Variants in SHOC1 observed in about 807,000 individuals in gnomAD.
SHOC1 encodes the protein protein shortage in chiasmata 1 ortholog.
SHOC1 carries 136 observed loss-of-function variants against 179.2 expected under a neutral mutation model. The ratio of observed to expected loss-of-function variants is 0.76; its 90% confidence interval spans 0.66 to 0.87. The LOEUF (loss-of-function observed/expected upper bound fraction) is 0.87, where lower values mean the gene tolerates loss of function less well. SHOC1 is among the 40% of genes least tolerant of loss of function. The pLI is 0.00. For missense variants in SHOC1, 1,538 were observed against 1,700.8 expected (o/e 0.90, Z 1.68); for synonymous variants, 489 against 586.6 (o/e 0.83, Z 2.41).
At chr9:111,781,212 A>G in intron 3 of SHOC1, 195 bp from the exon 4 acceptor site, 1 of 549,758 alleles carries the variant, frequency 1.8e-6, no homozygotes, top group Admixed American at 3.3e-5. Flanking sequence ...CCCTCAATCA[A>G]CTACAGTTAG....
At chr9:111,761,997 A>G (rs982533903) in intron 5 of SHOC1, among the ~76,000 whole-genome samples, 6 of 152,214 alleles carry the variant, frequency 3.9e-5, no homozygotes, top group Admixed American at 6.5e-5. Context: ...TAAATAGATC[A>G]ATTTCTAGGA....
At chr9:111,729,540 A>G (rs1486695881) in intron 12 of SHOC1, among the ~76,000 whole-genome samples, 1 of 152,216 alleles carries the variant, frequency 6.6e-6, no homozygotes, top group African/African-American at 2.4e-5. Context: ...TCTTTTCACG[A>G]AAGATTTTTC....
intron 5 of SHOC1, among the ~76,000 whole-genome samples, chr9:111,767,213 T>A (rs1337650471): frequency 6.7e-6 from 1 of 149,914 alleles, no homozygotes; most frequent in Non-Finnish European, 1.5e-5. Flanking sequence ...TGTTTGTCTA[T>A]TTTTGCTTTG....
rs1046967354 is a variant in SHOC1 at position 111,740,718 on chromosome 9, T to G, written c.1174+758A>C. Among the ~76,000 whole-genome samples, 66 of 152,018 alleles carry G rather than the reference T, an allele frequency of 4.3e-4. 1 individual carries two copies. Among genetic ancestry groups the G allele is most frequent in the African/African-American group, 1.6e-3 (65 of 41,418 alleles). ...TCCAGAGTAGCTGGGACTACAGGCG[T>G]GCACCACCATGCTCAGCTAATTTTT... On this transcript the variant is annotated intron_variant, in intron 11 of 27. Coordinates refer to ENST00000682961, the MANE Select transcript of SHOC1 (RefSeq NM_001378211.1).
At position 111,706,620 on chromosome 9, in the gene SHOC1, C is replaced by A; in HGVS notation, c.2685G>T (p.Leu895Phe). 1.9e-6 allele frequency: 3 copies of A among 1,603,326 alleles called. No homozygotes were observed. The South Asian group carries it at 3.4e-5, about 18-fold the overall frequency. ...DSCWTKHCKE[L>F]NIPYMAFKVI... ...CTTTAAAGGCCATGTAAGGAATATT[C>A]AACTCTTTGCAGTGTTTAGTCCAAC... The change falls in exon 20 of 28, where the codon TTG becomes TTT. Residue 895 changes from leucine (L) to phenylalanine (F), a missense_variant. Coordinates refer to ENST00000682961, the MANE Select transcript of SHOC1 (RefSeq NM_001378211.1).
intron 5 of SHOC1, among the ~76,000 whole-genome samples, chr9:111,761,058 G>T (rs1835113634): frequency 6.6e-6 from 1 of 152,132 alleles, no homozygotes; most frequent in South Asian, 2.1e-4. Context: ...TTCTAATGTG[G>T]TTAAGGATTT....
intron 10 of SHOC1, 92 bp downstream of exon 10, chr9:111,746,142 G>T: frequency 2.8e-6 from 2 of 721,780 alleles, no homozygotes. Flanking sequence ...TTTCATAGAG[G>T]TATCTTGGAA....
intron 15 of SHOC1, 52 bp from the exon 16 acceptor site, chr9:111,718,340 G>C: frequency 8.4e-7 from 1 of 1,193,280 alleles, no homozygotes; most frequent in Non-Finnish European, 1.2e-6. Context: ...TACAGTTTTA[G>C]AATATGTATC....
At chr9:111,728,387 A>C (rs1833406512) in intron 12 of SHOC1, among the ~76,000 whole-genome samples, 1 of 152,148 alleles carries the variant, frequency 6.6e-6, no homozygotes, top group South Asian at 2.1e-4. Flanking sequence ...GCCACAATGG[A>C]AAAAAATACT....
At chr9:111,721,597 C>T (rs923705304) in intron 15 of SHOC1, among the ~76,000 whole-genome samples, 6 of 152,200 alleles carry the variant, frequency 3.9e-5, no homozygotes, top group African/African-American at 1.4e-4. Context: ...GCCTTGGCCT[C>T]CCAAAGTGCT....
chr9:111,777,759 C>T (rs1288802643), intron 4 of SHOC1, among the ~76,000 whole-genome samples: 1 of 152,012 alleles, frequency 6.6e-6, no homozygotes, highest in East Asian at 1.9e-4. Flanking sequence ...TATTTCAGCC[C>T]TAATAATACC....
At chr9:111,693,441 A>G in intron 26 of SHOC1, among the ~76,000 whole-genome samples, 1 of 150,886 alleles carries the variant, frequency 6.6e-6, no homozygotes, top group African/African-American at 2.4e-5. Flanking sequence ...AAAAAAAAAA[A>G]AAAAAATCAA....
intron 12 of SHOC1, among the ~76,000 whole-genome samples, chr9:111,730,237 A>G (rs1010652779): frequency 2.0e-5 from 3 of 152,138 alleles, no homozygotes; most frequent in African/African-American, 2.4e-5. Flanking sequence ...ACTTTTTTCT[A>G]TCTTGCTAAT....
At chr9:111,756,658 C>A (rs1045417480) in intron 7 of SHOC1, among the ~76,000 whole-genome samples, 180 bp from the exon 8 acceptor site, 3 of 152,180 alleles carry the variant, frequency 2.0e-5, no homozygotes, top group African/African-American at 7.2e-5. Flanking sequence ...AAAATACGTT[C>A]TATTATAAGC....
At chr9:111,788,013 T>A (rs76437012) in intron 2 of SHOC1, among the ~76,000 whole-genome samples, 2,994 of 151,962 alleles carry the variant, frequency 0.02, 43 homozygotes, top group South Asian at 0.044. Context: ...CATGGTTTTT[T>A]AAGACATAGT....
intron 12 of SHOC1, among the ~76,000 whole-genome samples, chr9:111,733,240 G>A (rs1833668900): frequency 6.6e-6 from 1 of 152,086 alleles, no homozygotes; most frequent in African/African-American, 2.4e-5. Context: ...CACAATCTTT[G>A]CTTGTATAGA....
At chr9:111,704,669 A>G (rs553759337) in intron 21 of SHOC1, among the ~76,000 whole-genome samples, 1 of 152,324 alleles carries the variant, frequency 6.6e-6, no homozygotes, top group African/African-American at 2.4e-5. Flanking sequence ...CTTCCTTGAC[A>G]TGGAGCCCAA....
At chr9:111,741,016 A>G (rs1005367704) in intron 11 of SHOC1, among the ~76,000 whole-genome samples, 2 of 152,182 alleles carry the variant, frequency 1.3e-5, no homozygotes, top group Non-Finnish European at 2.9e-5. Flanking sequence ...CAGCCTACCG[A>G]CTAGCTGGGA....
chr9:111,778,465 G>A (rs1184116271), intron 4 of SHOC1, among the ~76,000 whole-genome samples: 1 of 151,992 alleles, frequency 6.6e-6, no homozygotes, highest in Non-Finnish European at 1.5e-5. Flanking sequence ...AATTTCAGGT[G>A]GTAAAAAAAT....
Sources: allele counts gnomAD v4.1 joint callset (sites outside exome capture counted in the v4.1 genomes callset), GRCh38; gene constraint gnomAD v4.1.1; transcripts MANE v1.5; gene names NCBI Gene and HGNC (gene_info 2026-07-23, HGNC 2026-07-21).